MEP1B: variants seen among roughly 807,000 people sequenced by gnomAD.
MEP1B encodes meprin A subunit beta.
Under a neutral mutation model 84.6 loss-of-function variants are expected in MEP1B, and 80 were observed. The observed-to-expected ratio is 0.95, with a 90% CI of 0.79 to 1.14. The LOEUF (loss-of-function observed/expected upper bound fraction) is 1.14. Among genes scored for constraint, MEP1B ranks in the 50% most tolerant of loss-of-function variants. The pLI, the probability that MEP1B is intolerant of heterozygous loss-of-function variation, is 0.00. For missense variants in MEP1B, 766 were observed against 855.1 expected (o/e 0.90, Z 1.30); for synonymous variants, 273 against 288.1 (o/e 0.95, Z 0.53).
chr18:32,207,462 A>G lies in MEP1B; in HGVS notation c.758A>G (p.Tyr253Cys), dbSNP rs1255609784. The change falls in exon 8 of 15, where the codon TAT becomes TGT. Residue 253 changes from tyrosine to cysteine, a missense_variant. Coordinates refer to ENST00000269202, the MANE Select transcript of MEP1B (RefSeq NM_005925.3). Reference protein sequence around the residue: ...DSDLLKLNQLYNCSSSLSFMD... With the variant: ...DSDLLKLNQLCNCSSSLSFMD... ...GATCTCCTAAAGTTGAATCAACTGT[A>G]TAACTGCTGTATGTGACAGGTTCTT... 6 of 1,604,282 alleles carry G rather than the reference A, an allele frequency of 3.7e-6. No homozygotes were observed. Among genetic ancestry groups the G allele is most frequent in the African/African-American group, 2.7e-5 (2 of 74,768 alleles).
At position 32,217,836 on chromosome 18, in the gene MEP1B, C is replaced by T. The variant is rs2041108600; in HGVS notation, c.1962C>T (p.Val654=). 2 of 1,613,926 alleles carry T rather than the reference C, an allele frequency of 1.2e-6. No individual in the cohort carries two copies. The highest frequency in any genetic ancestry group is 2.2e-5 in the East Asian group (1 of 44,880). Residue 654 remains valine (V), a synonymous_variant, in exon 14 of 15, where the codon GTC becomes GTT. Coordinates refer to ENST00000269202, the MANE Select transcript of MEP1B (RefSeq NM_005925.3). The part of the protein sequence containing the change: ...EKRGSTRDTI[V]IAVSSTVAVF... The stretch of plus-strand genomic sequence containing the variant: ...GAGGCTCCACCCGAGACACCATAGT[C>T]ATTGCTGTTTCATCTACTGTTGCTG...
chr18:32,217,034 C>A lies in MEP1B; in HGVS notation c.1803C>A (p.Ala601=). ...CTACACAAATCCAGCTAACACCAGC[C>A]CCTAGTGTTCAAGACCTCTGCTCAA... ...LNSTQIQLTP[A]PSVQDLCSKT... The change falls in exon 13 of 15, where the codon GCC becomes GCA. Residue 601 remains alanine (A), a synonymous_variant. Transcript: ENST00000269202. The A allele has an allele frequency of 6.2e-7, 1 of 1,613,702 alleles. No homozygotes were observed.
At chr18:32,207,118 T>A (rs2040973293) in intron 7 of MEP1B, 134 bp from the exon 8 acceptor site, 2 of 616,624 alleles carry the variant, frequency 3.2e-6, no homozygotes, top group Non-Finnish European at 5.7e-6. Flanking sequence ...AAGATGGGAA[T>A]AATGAAACTG....
At chr18:32,204,397 G>A in intron 7 of MEP1B, 37 bp downstream of exon 7, 9 of 1,524,736 alleles carry the variant, frequency 5.9e-6, no homozygotes, top group Non-Finnish European at 8.0e-6. Flanking sequence ...TTTAGTTAAG[G>A]ACTGAATTTC....
At chr18:32,218,337 G>A (rs1265139911) in intron 14 of MEP1B, among the ~76,000 whole-genome samples, 1 of 152,196 alleles carries the variant, frequency 6.6e-6, no homozygotes, top group Non-Finnish European at 1.5e-5. Context: ...TAAAGGTCTT[G>A]TAGTGGTGGT....
chr18:32,216,911 T>G, intron 12 of MEP1B, 80 bp from the exon 13 acceptor site: 1 of 1,456,650 alleles, frequency 6.9e-7, no homozygotes, highest in Non-Finnish European at 9.3e-7. Flanking sequence ...AAAGAAACAT[T>G]AAAAGAAAAT....
chr18:32,213,404 T>TTG lies in MEP1B; in HGVS notation c.1424_1425insTG (p.Tyr476AspfsTer5), dbSNP rs781065480. ...CTAGCCCATGTGACTAATGCAGGGA[T>TTG]ATATTTCCACTTGATCTCTGGAGCC... On this transcript the variant is annotated frameshift_variant, in exon 11 of 15. Coordinates refer to ENST00000269202, the MANE Select transcript of MEP1B (RefSeq NM_005925.3). LOFTEE classifies it high-confidence loss of function. 1 of 1,613,960 alleles carries TTG rather than the reference T, an allele frequency of 6.2e-7. No individual in the cohort carries two copies.
rs1450356479 is a variant in MEP1B at position 32,196,531 on chromosome 18, C to T, written c.250+1046C>T. ...GTGATGAGGTGGTGGCCAAGGGCCA[C>T]CTTGAGAGCTTTGGGCCCTTGGTAC... is the stretch of plus-strand genomic sequence containing the variant. On this transcript the variant is annotated intron_variant, in intron 5 of 14. Transcript: ENST00000269202. This position sits in a 1 kb window ranked among gnomAD's most constrained non-coding sequence, Gnocchi z 4.4. The T allele has an allele frequency of 1.4e-6, 1 of 698,688 alleles. No individual in the cohort carries two copies. The highest frequency in any genetic ancestry group is 2.6e-6 in the Non-Finnish European group (1 of 380,300). 43.3% of individuals were successfully genotyped at this position (698,688 alleles called of 1,614,324 possible).
Position 32,207,451 on chromosome 18 carries a change from G to C in MEP1B, c.747G>C (p.Leu249Phe). Residue 249 changes from leucine (L) to phenylalanine (F), a missense_variant, in exon 8 of 15, where the codon TTG becomes TTC. Coordinates refer to ENST00000269202, the MANE Select transcript of MEP1B (RefSeq NM_005925.3). ...TCAGTGACTCTGATCTCCTAAAGTT[G>C]AATCAACTGTATAACTGCTGTATGT... is the stretch of plus-strand genomic sequence containing the variant. ...MDFSDSDLLK[L>F]NQLYNCSSSL... 6.2e-7 allele frequency: 1 copy of C among 1,609,822 alleles called. No homozygotes were observed. The highest frequency in any genetic ancestry group is 2.2e-5 in the East Asian group (1 of 44,844).
intron 5 of MEP1B, among the ~76,000 whole-genome samples, chr18:32,199,657 T>TC (rs759523206): frequency 0.11 from 15,137 of 132,130 alleles, 1,115 homozygotes; most frequent in Non-Finnish European, 0.14. Context: ...TTCCTTTTTT[T>TC]CCTTTCGTTC....
At chr18:32,190,208 T>C in intron 1 of MEP1B, 75 bp downstream of exon 1, 1 of 1,070,368 alleles carries the variant, frequency 9.3e-7, no homozygotes, top group Non-Finnish European at 1.4e-6. Context: ...AACAAGTGTT[T>C]TTTTTTTGTT....
chr18:32,216,878 A>AG, intron 12 of MEP1B, 113 bp from the exon 13 acceptor site: 3 of 1,301,668 alleles, frequency 2.3e-6, no homozygotes, highest in Non-Finnish European at 3.1e-6. Context: ...TAAAAAAAAA[A>AG]AAGAAAGAAA....
In MEP1B at chr18:32,192,754, A is replaced by G; in HGVS notation, c.128-20A>G. 1 of 1,612,906 alleles carries G rather than the reference A, an allele frequency of 6.2e-7. No individual in the cohort carries two copies. The highest frequency in any genetic ancestry group is 8.5e-7 in the Non-Finnish European group (1 of 1,179,178). On this transcript the variant is annotated intron_variant, in intron 3 of 14. Coordinates refer to ENST00000269202, the MANE Select transcript of MEP1B (RefSeq NM_005925.3). ...GTTTGAATCCAATTTGCTAACATGAATTTTTATCTTTACTCTTAGGTTTGG... is the reference window on the plus strand; with the variant it reads ...GTTTGAATCCAATTTGCTAACATGAGTTTTTATCTTTACTCTTAGGTTTGG...
intron 4 of MEP1B, 123 bp from the exon 5 acceptor site, chr18:32,195,284 A>ACT (rs2040841128): frequency 1.5e-6 from 1 of 645,796 alleles, no homozygotes. Flanking sequence ...ACACACACAC[A>ACT]CACACAATTT....
At position 32,191,836 on chromosome 18, in the gene MEP1B, C is replaced by T. The variant is rs371781140; in HGVS notation, c.78C>T (p.Asn26=). 274 of 1,538,002 alleles carry T rather than the reference C, an allele frequency of 1.8e-4. No individual in the cohort carries two copies. Among genetic ancestry groups the T allele is most frequent in the Non-Finnish European group, 2.3e-4 (259 of 1,130,568 alleles). ...TTATTTCCCAGGCAACTCCAGAAAACTTTGGTGAGTCTATTTTGAGTTTTG... is the reference window on the plus strand; with the variant it reads ...TTATTTCCCAGGCAACTCCAGAAAATTTTGGTGAGTCTATTTTGAGTTTTG... The part of the protein sequence containing the change: ...LVISGLATPE[N]FDVDGGMDQD... The change falls in exon 2 of 15, where the codon AAC becomes AAT. Residue 26 remains asparagine (N), a synonymous_variant. Transcript: ENST00000269202.
At chr18:32,215,659 C>T (rs2041076440) in intron 12 of MEP1B, among the ~76,000 whole-genome samples, 1 of 152,018 alleles carries the variant, frequency 6.6e-6, no homozygotes, top group Non-Finnish European at 1.5e-5. Flanking sequence ...CCTGTCTCTA[C>T]TAAAAACATA....
chr18:32,210,457 T>C lies in MEP1B; in HGVS notation c.920-44T>C, dbSNP rs780837789. 4 of 1,519,054 alleles carry C rather than the reference T, an allele frequency of 2.6e-6. No individual in the cohort carries two copies. The Admixed American group carries it at 5.3e-5, about 20-fold the overall frequency. 94.1% of individuals were successfully genotyped at this position (1,519,054 alleles called of 1,614,324 possible). ...CACCATTAACAAACACACATTCCTA[T>C]ACCCAGTATCTGTTTTTCTCTCAAT... On this transcript the variant is annotated intron_variant, in intron 9 of 14. Transcript: ENST00000269202.
chr18:32,220,174 T>C (rs755245278), intron 14 of MEP1B, 57 bp from the exon 15 acceptor site: 4 of 1,476,482 alleles, frequency 2.7e-6, no homozygotes, highest in Non-Finnish European at 9.3e-7. Flanking sequence ...ATGATTCATT[T>C]AAATAGCAGT....
intron 5 of MEP1B, 55 bp downstream of exon 5, chr18:32,195,540 A>G: frequency 8.3e-7 from 1 of 1,207,368 alleles, no homozygotes; most frequent in East Asian, 2.3e-5. Flanking sequence ...ACAAAATATG[A>G]TTATAGTGTT....
Sources: gnomAD v4.1 joint callset for allele counts (sites outside exome capture counted in the v4.1 genomes callset) on GRCh38, gnomAD v4.1.1 for gene constraint, Gnocchi (gnomAD v3.1) non-coding constraint, MANE v1.5 for transcripts, NCBI Gene and HGNC (gene_info 2026-07-23, HGNC 2026-07-21) for gene names.